Variants in TTC34 observed in about 807,000 individuals in gnomAD.
TTC34 encodes the protein tetratricopeptide repeat protein 34.
Under a neutral mutation model 40.7 loss-of-function variants are expected in TTC34, and 44 were observed. The observed-to-expected ratio is 1.08, with a 90% CI of 0.85 to 1.39. The LOEUF is 1.39. Ranked by LOEUF, TTC34 falls within the 40% of genes most tolerant of loss-of-function variation. TTC34 has a pLI of 0.00. For missense variants in TTC34, 884 were observed against 838.0 expected, an observed-to-expected ratio of 1.05 and a Z score of -0.68; for synonymous variants, 422 against 398.6, an observed-to-expected ratio of 1.06 and a Z score of -0.70.
chr1:2,783,478 A>T, intron 6 of TTC34, 131 bp downstream of exon 6: 1 of 955,886 alleles, frequency 1.0e-6, no homozygotes, highest in Non-Finnish European at 1.4e-6. Flanking sequence ...GGATGGGAAC[A>T]TGGGTTTTGA....
At chr1:2,772,815 C>T (rs1194110308) in intron 6 of TTC34, among the ~76,000 whole-genome samples, 1 of 87,162 alleles carries the variant, frequency 1.1e-5, no homozygotes, top group African/African-American at 3.8e-5. Flanking sequence ...GCACCCCACG[C>T]CCCCAGGTGA....
At chr1:2,787,578 A>G (rs955100202) in exon 4 of TTC34, 22 of 1,548,012 alleles carry the variant, frequency 1.4e-5, no homozygotes, top group Non-Finnish European at 1.8e-5. Context: ...GGCCACCAGC[A>G]GGGCCTTGTG....
In TTC34 at chr1:2,681,612, A is replaced by T. The variant is rs1394304956; in HGVS notation, c.2227-36049T>A. Among the ~76,000 whole-genome samples the T allele has an allele frequency of 3.1e-5, 2 of 63,918 alleles. 1 individual carries two copies. Among genetic ancestry groups the T allele is most frequent in the Admixed American group, 3.1e-4 (2 of 6,464 alleles). The allele number at this position is 63,918 out of a possible 152,430, so 41.9% of individuals were successfully genotyped here. On this transcript the variant is annotated intron_variant, in intron 6 of 8. Coordinates refer to ENST00000401095, the Ensembl canonical transcript of TTC34. ...CACAGGTGAGCATCAGACAGCCTGGAACCGCAGCCACACCCCCAGCGAGCA... is the reference window on the plus strand; with the variant it reads ...CACAGGTGAGCATCAGACAGCCTGGTACCGCAGCCACACCCCCAGCGAGCA...
chr1:2,656,237 C>G (rs982843738), intron 6 of TTC34, among the ~76,000 whole-genome samples: 6 of 151,912 alleles, frequency 3.9e-5, no homozygotes, highest in South Asian at 4.2e-4. Context: ...CATCTGACAG[C>G]CTGGAACAGC....
In TTC34 at chr1:2,645,422, G is replaced by C; in HGVS notation, c.2368C>G (p.Pro790Ala). Residue 790 changes from proline (P) to alanine (A), a missense_variant, in exon 7 of 9, where the codon CCA becomes GCA. By Grantham distance (27) the Pro-to-Ala change is conservative. Coordinates refer to ENST00000401095, the Ensembl canonical transcript of TTC34. This position sits in a 1 kb window ranked among gnomAD's most constrained non-coding sequence, Gnocchi z 4.7. ...TCCTCGAGAGGGGCCCCAGTGTCTG[G>C]CAGCTGGCTCAGAAGGGCCCGGCAG... 1 of 1,535,856 alleles carries C rather than the reference G, an allele frequency of 6.5e-7. No individual in the cohort carries two copies. The highest frequency in any genetic ancestry group is 8.7e-7 in the Non-Finnish European group (1 of 1,146,784).
intron 6 of TTC34, among the ~76,000 whole-genome samples, chr1:2,686,218 ACAGCCTGGAGC>A: frequency 6.8e-6 from 1 of 146,926 alleles, no homozygotes. Flanking sequence ...CGAGCATCTG[ACAGCCTGGAGC>A]AGTGCCCACA....
At chr1:2,644,552 C>A (rs566972396) in intron 7 of TTC34, 74 bp from the exon 8 acceptor site, 2 of 1,409,994 alleles carry the variant, frequency 1.4e-6, no homozygotes, top group South Asian at 2.6e-5. Flanking sequence ...ACTCGCTGGC[C>A]GCTCCTTCCC....
intron 6 of TTC34, among the ~76,000 whole-genome samples, chr1:2,683,934 G>C (rs1273440131): frequency 1.2e-4 from 2 of 16,892 alleles, no homozygotes; most frequent in African/African-American, 3.5e-4. Context: ...GCATCTGATG[G>C]TCTGGAGCAG....
chr1:2,750,166 C>T (rs1641268310), intron 6 of TTC34, among the ~76,000 whole-genome samples: 36 of 143,810 alleles, frequency 2.5e-4, no homozygotes, highest in African/African-American at 9.1e-4. Flanking sequence ...ACAAACACCC[C>T]CAGGCGAGCA....
chr1:2,697,019 ACCGC>A (rs1640898683), intron 6 of TTC34, among the ~76,000 whole-genome samples: 1 of 70,756 alleles, frequency 1.4e-5, no homozygotes, highest in Non-Finnish European at 2.8e-5. Flanking sequence ...TGAGGATCTG[ACCGC>A]CTGGAACAGC....
intron 6 of TTC34, among the ~76,000 whole-genome samples, chr1:2,767,419 A>G (rs1641801468): frequency 6.9e-6 from 1 of 144,260 alleles, no homozygotes. Flanking sequence ...TGAGCATCTG[A>G]CCGCATGGAA....
chr1:2,773,129 C>A (rs1415914198), intron 6 of TTC34, among the ~76,000 whole-genome samples: 3 of 112,862 alleles, frequency 2.7e-5, no homozygotes, highest in African/African-American at 9.0e-5. Flanking sequence ...CCTGGAGCAG[C>A]ACACACAACC....
rs778083580 is a variant in TTC34 at position 2,645,347 on chromosome 1, C to G, written c.2443G>C (p.Asp815His). 1.2e-5 allele frequency: 18 copies of G among 1,527,154 alleles called. No homozygotes were observed. The African/African-American group carries it at 2.3e-4, about 20-fold the overall frequency. 94.6% of individuals were successfully genotyped at this position (1,527,154 alleles called of 1,614,324 possible). ...AGGTGCCAGTGCGGTTGCCCTGAGT[C>G]GATTTTGATCAGCGCCTCCCCCACA... Residue 815 changes from aspartate to histidine, a missense_variant, in exon 7 of 9, where the codon GAC becomes CAC. Coordinates refer to ENST00000401095, the Ensembl canonical transcript of TTC34. This position sits in a 1 kb window ranked among gnomAD's most constrained non-coding sequence, Gnocchi z 4.7.
intron 2 of TTC34, among the ~76,000 whole-genome samples, chr1:2,792,776 T>C (rs1643676353): frequency 6.6e-6 from 1 of 152,184 alleles, no homozygotes; most frequent in Non-Finnish European, 1.5e-5. Flanking sequence ...TAACTTTCCA[T>C]CCATTTTTCT....
chr1:2,750,298 CTG>C (rs1641273132), intron 6 of TTC34, among the ~76,000 whole-genome samples: 1 of 25,902 alleles, frequency 3.9e-5, no homozygotes, highest in South Asian at 1.2e-3. Flanking sequence ...AGGTGAGCAT[CTG>C]ACAGACTGGA....
intron 6 of TTC34, among the ~76,000 whole-genome samples, chr1:2,755,798 C>G (rs1641485334): frequency 6.4e-5 from 8 of 125,856 alleles, no homozygotes; most frequent in Admixed American, 8.1e-5. Flanking sequence ...AGGTGAGCAT[C>G]TGATGGTCTG....
chr1:2,779,622 T>G (rs1227052071), intron 6 of TTC34, among the ~76,000 whole-genome samples: 2 of 152,200 alleles, frequency 1.3e-5, no homozygotes, highest in Admixed American at 6.5e-5. Flanking sequence ...CACACCCAGC[T>G]GGTAGTTCTA....
intron 6 of TTC34, among the ~76,000 whole-genome samples, chr1:2,750,127 C>T (rs1324184483): frequency 0.067 from 2,634 of 39,250 alleles, no homozygotes; most frequent in Admixed American, 0.093. Context: ...CCCACACACC[C>T]AGGTGAGCAT....
exon 3 of TTC34, chr1:2,790,153 G>T (rs1378747060): frequency 2.5e-6 from 1 of 398,228 alleles, no homozygotes; most frequent in Non-Finnish European, 4.4e-6. Context: ...CGAAGCCCAC[G>T]TCCGCGGCCT....
Sources: gnomAD v4.1 joint callset for allele counts (sites outside exome capture counted in the v4.1 genomes callset) on GRCh38, gnomAD v4.1.1 for gene constraint, Gnocchi (gnomAD v3.1) non-coding constraint, MANE v1.5 for transcripts, NCBI Gene and HGNC (gene_info 2026-07-23, HGNC 2026-07-21) for gene names.